TMPRSS15: variants seen among roughly 807,000 people sequenced by gnomAD.
TMPRSS15 encodes the protein transmembrane serine protease 15, also known as enteropeptidase.
Under a neutral mutation model 125.3 loss-of-function variants are expected in TMPRSS15, and 128 were observed. That is an observed-to-expected ratio of 1.02 (90% CI 0.89 to 1.18). The LOEUF is 1.18. Ranked by LOEUF, TMPRSS15 falls within the 50% of genes most tolerant of loss-of-function variation. The pLI is 0.00. For synonymous variants in TMPRSS15, 446 were observed against 423.2 expected, an observed-to-expected ratio of 1.05 and a Z score of -0.66; for missense variants, 1,283 against 1,212.7, an observed-to-expected ratio of 1.06 and a Z score of -0.86.
chr21:18,356,231 T>C (rs1180278864), intron 8 of TMPRSS15, among the ~76,000 whole-genome samples: 6 of 151,838 alleles, frequency 4.0e-5, no homozygotes, highest in Non-Finnish European at 4.4e-5. Context: ...GTGGGGAATT[T>C]GGAAAGACGG....
At chr21:18,365,117 G>A (rs1297568632) in intron 7 of TMPRSS15, 23 bp downstream of exon 7, 15 of 1,592,060 alleles carry the variant, frequency 9.4e-6, no homozygotes, top group African/African-American at 1.3e-5. Context: ...CTTAAGAACA[G>A]AAAATATAAG....
chr21:18,315,229 C>T lies in TMPRSS15; in HGVS notation c.1949G>A (p.Cys650Tyr), dbSNP rs778026112. ...PEPCKADHFQ[C>Y]KNGECVPLVN... is the part of the protein sequence containing the mutation. The stretch of plus-strand genomic sequence containing the variant: ...CAGTGGAACACACTCTCCATTTTTA[C>T]ATTGAAAATGGTCTGCCTTGCATGG... The change falls in exon 17 of 25, where the codon TGT (cysteine) becomes TAT (tyrosine). Residue 650 changes from cysteine (C) to tyrosine (Y), a missense_variant. Physicochemically the swap from Cys to Tyr is radical, Grantham distance 194 (BLOSUM62 -2). Coordinates refer to ENST00000284885, the MANE Select transcript of TMPRSS15 (RefSeq NM_002772.3). 3.6e-5 allele frequency: 58 copies of T among 1,613,470 alleles called. 1 individual carries two copies. Among genetic ancestry groups the T allele is most frequent in the Non-Finnish European group, 4.5e-5 (53 of 1,179,794 alleles).
intron 16 of TMPRSS15, among the ~76,000 whole-genome samples, chr21:18,322,930 G>C (rs545718752): frequency 1.3e-5 from 2 of 152,118 alleles, no homozygotes; most frequent in East Asian, 3.9e-4. Flanking sequence ...AGAATATTTC[G>C]GTTTCCCAGA....
chr21:18,441,661 C>CATTATTATTATTATTATT (rs113071625), intron 1 of TMPRSS15, among the ~76,000 whole-genome samples: 1 of 134,730 alleles, frequency 7.4e-6, no homozygotes, highest in African/African-American at 2.8e-5. Context: ...CTTTAGGACA[C>CATTATTATTATTATTATT]ATTATTATTA....
intron 3 of TMPRSS15, among the ~76,000 whole-genome samples, chr21:18,394,712 A>G (rs1476946890): frequency 6.7e-6 from 1 of 149,428 alleles, no homozygotes; most frequent in Non-Finnish European, 1.5e-5. Flanking sequence ...GTCATTATGA[A>G]AAAAAAACAC....
chr21:18,468,638 A>G (rs1467382825), intron 1 of TMPRSS15, among the ~76,000 whole-genome samples: 1 of 152,198 alleles, frequency 6.6e-6, no homozygotes, highest in Non-Finnish European at 1.5e-5. Context: ...TGATTTACAA[A>G]TTGAGAAATG....
chr21:18,380,288 A>G (rs1369390890), intron 4 of TMPRSS15, among the ~76,000 whole-genome samples: 1 of 151,960 alleles, frequency 6.6e-6, no homozygotes, highest in East Asian at 1.9e-4. Context: ...TCTCATATAT[A>G]TTTGTATATA....
chr21:18,372,418 A>G (rs529769603), intron 5 of TMPRSS15, 94 bp from the exon 6 acceptor site: 10 of 1,078,632 alleles, frequency 9.3e-6, no homozygotes, highest in South Asian at 9.1e-5. Context: ...GTTCTTACTT[A>G]TAAGTATGTT....
intron 1 of TMPRSS15, among the ~76,000 whole-genome samples, chr21:18,433,219 T>G (rs563101059): frequency 1.8e-4 from 27 of 152,120 alleles, no homozygotes; most frequent in Non-Finnish European, 3.1e-4. Context: ...CATTTTAGTG[T>G]CTCAAAAGAT....
chr21:18,343,388 A>T (rs904949424), intron 12 of TMPRSS15, 118 bp downstream of exon 12: 31 of 954,122 alleles, frequency 3.2e-5, no homozygotes, highest in Middle Eastern at 3.3e-4. Context: ...TTGGGCAAGT[A>T]GAGAAAGTGA....
At chr21:18,414,369 A>T (rs538207173) in intron 1 of TMPRSS15, among the ~76,000 whole-genome samples, 2 of 152,274 alleles carry the variant, frequency 1.3e-5, no homozygotes, top group South Asian at 4.1e-4. Flanking sequence ...TTTGAACATA[A>T]CGTGAGCTTT....
intron 10 of TMPRSS15, among the ~76,000 whole-genome samples, chr21:18,349,150 A>C (rs937650454): frequency 6.6e-6 from 1 of 152,180 alleles, no homozygotes; most frequent in African/African-American, 2.4e-5. Context: ...CGAAAGAAAC[A>C]TTTTATTTGA....
At position 18,275,254 on chromosome 21, in the gene TMPRSS15, G is replaced by A; in HGVS notation, c.2847C>T (p.Asn949=). 1 of 1,613,978 alleles carries A rather than the reference G, an allele frequency of 6.2e-7. No homozygotes were observed. The highest frequency in any genetic ancestry group is 2.2e-5 in the East Asian group (1 of 44,866). The stretch of plus-strand genomic sequence containing the variant: ...CTGCACATATCATATTTTCAGTAAT[G>A]TTATATTCTGGCATCTGCTGTTGGC... The part of the protein sequence containing the change: ...ERCQQQMPEY[N]ITENMICAGY... Residue 949 remains asparagine (N), a synonymous_variant, in exon 24 of 25, where the codon AAC becomes AAT. Coordinates refer to ENST00000284885, the MANE Select transcript of TMPRSS15 (RefSeq NM_002772.3).
intron 13 of TMPRSS15, among the ~76,000 whole-genome samples, chr21:18,334,444 A>T (rs2075372797): frequency 1.3e-5 from 2 of 152,158 alleles, no homozygotes; most frequent in South Asian, 4.1e-4. Context: ...AATGTATAAG[A>T]GGAGGATTTG....
chr21:18,470,561 G>A (rs1228149363), intron 1 of TMPRSS15, among the ~76,000 whole-genome samples: 1 of 152,064 alleles, frequency 6.6e-6, no homozygotes, highest in Middle Eastern at 3.2e-3. Flanking sequence ...ATATCTGAAA[G>A]TTTTAAAATT....
intron 16 of TMPRSS15, among the ~76,000 whole-genome samples, chr21:18,325,745 CA>C (rs1421126312): frequency 6.6e-6 from 1 of 151,532 alleles, no homozygotes; most frequent in Non-Finnish European, 1.5e-5. Flanking sequence ...TATCAAGTTA[CA>C]AAAAAATTCT....
At chr21:18,478,610 A>G (rs1978923243) in intron 1 of TMPRSS15, among the ~76,000 whole-genome samples, 1 of 151,944 alleles carries the variant, frequency 6.6e-6, no homozygotes, top group South Asian at 2.1e-4. Context: ...AGAGTACCAC[A>G]TGGCATTTAC....
intron 21 of TMPRSS15, among the ~76,000 whole-genome samples, chr21:18,289,436 C>T (rs144145895): frequency 0.068 from 10,315 of 152,210 alleles, 430 homozygotes; most frequent in Non-Finnish European, 0.092. Context: ...CGCTTGAACC[C>T]GGGAGGCGGA....
chr21:18,345,740 CAA>C (rs1235619873), intron 10 of TMPRSS15, among the ~76,000 whole-genome samples: 1 of 15,562 alleles, frequency 6.4e-5, no homozygotes, highest in Non-Finnish European at 1.4e-4. Context: ...GACTCCGTCT[CAA>C]AAAAAAAAAA....
Sources: allele counts gnomAD v4.1 joint callset (sites outside exome capture counted in the v4.1 genomes callset), GRCh38; gene constraint gnomAD v4.1.1; transcripts MANE v1.5; gene names NCBI Gene and HGNC (gene_info 2026-07-23, HGNC 2026-07-21).